DISC1: variants seen among roughly 807,000 people sequenced by gnomAD.
The protein encoded by DISC1 is DISC1 scaffold protein.
A neutral mutation model predicts 84.5 loss-of-function variants in DISC1; 57 were observed. The observed-to-expected ratio is 0.67, with a 90% CI of 0.55 to 0.84. The LOEUF (loss-of-function observed/expected upper bound fraction) is 0.84. Among genes scored for constraint, DISC1 ranks in the 40% least tolerant of loss-of-function variants. DISC1 has a pLI of 0.00. For missense variants in DISC1, 1,000 were observed against 1,057.8 expected (o/e 0.95, Z 0.76); for synonymous variants, 411 against 415.2 (o/e 0.99, Z 0.12).
At chr1:231,742,467 A>T (rs1270062903) in intron 3 of DISC1, among the ~76,000 whole-genome samples, 5 of 152,146 alleles carry the variant, frequency 3.3e-5, no homozygotes, top group African/African-American at 9.7e-5. Context: ...GCCCTTTTCT[A>T]ATCATAAGAT....
chr1:231,651,680 C>T (rs1468392517), intron 1 of DISC1, among the ~76,000 whole-genome samples: 1 of 152,268 alleles, frequency 6.6e-6, no homozygotes, highest in African/African-American at 2.4e-5. Context: ...TTCAGCTATG[C>T]CCTGCCCCTA....
intron 1 of DISC1, among the ~76,000 whole-genome samples, chr1:231,634,403 T>C (rs1180468161): frequency 6.6e-6 from 1 of 152,046 alleles, no homozygotes; most frequent in African/African-American, 2.4e-5. Context: ...AAACTTAGAG[T>C]TGCAAGAGCT....
intron 9 of DISC1, among the ~76,000 whole-genome samples, chr1:231,915,807 A>G (rs1446442372): frequency 6.6e-6 from 1 of 151,882 alleles, no homozygotes. Flanking sequence ...TAAAAACAAA[A>G]CCCCACTATT....
chr1:231,839,922 A>G (rs957755648), intron 9 of DISC1, among the ~76,000 whole-genome samples: 2 of 152,184 alleles, frequency 1.3e-5, no homozygotes, highest in African/African-American at 4.8e-5. Flanking sequence ...CAAGCCATGC[A>G]TAAGGGACTC....
chr1:231,920,978 C>T (rs1044013138), intron 9 of DISC1, among the ~76,000 whole-genome samples: 4 of 147,948 alleles, frequency 2.7e-5, no homozygotes, highest in Non-Finnish European at 4.4e-5. Flanking sequence ...GTGATCTCGG[C>T]TCACTGCAGC....
In DISC1 at chr1:231,763,065, C is replaced by CAA. The variant is rs1422328445; in HGVS notation, c.1269-4073_1269-4072dup. Among the ~76,000 whole-genome samples, 3 of 152,222 alleles carry CAA rather than the reference C, an allele frequency of 2.0e-5. No individual in the cohort carries two copies. The East Asian group carries it at 5.8e-4, about 29-fold the overall frequency. On this transcript the variant is annotated intron_variant, in intron 4 of 12. Coordinates refer to ENST00000439617, the MANE Select transcript of DISC1 (RefSeq NM_018662.3). ...CCTGCTGATAGCCACCAAGAGGACT[C>CAA]AAACAATGGGTGTGTGTGGATGTGA...
intron 3 of DISC1, among the ~76,000 whole-genome samples, chr1:231,719,499 C>T (rs1158610459): frequency 1.3e-5 from 2 of 152,172 alleles, no homozygotes; most frequent in Non-Finnish European, 2.9e-5. Flanking sequence ...TCAATTCTGC[C>T]ATTTGCTAGC....
At chr1:231,861,838 A>G (rs753650596) in intron 9 of DISC1, among the ~76,000 whole-genome samples, 3 of 152,108 alleles carry the variant, frequency 2.0e-5, no homozygotes, top group Admixed American at 6.6e-5. Context: ...TTACTTTCCC[A>G]TTAATGTTTG....
chr1:231,647,085 A>G lies in DISC1; in HGVS notation c.67+20151A>G, dbSNP rs147012017. The stretch of plus-strand genomic sequence containing the variant: ...TAGTTTAATTAGATCCCATTTGTCT[A>G]TTTTGGCTTGTGTTGCCATTGCTTT... On this transcript the variant is annotated intron_variant, in intron 1 of 12. Coordinates refer to ENST00000439617, the MANE Select transcript of DISC1 (RefSeq NM_018662.3). 0.018 allele frequency among the ~76,000 whole-genome samples: 2,679 copies of G among 152,252 alleles called. 155 individuals carry two copies. The East Asian group carries it at 0.22, about 13-fold the overall frequency.
chr1:231,977,983 T>C lies in DISC1; in HGVS notation c.2042+19095T>C, dbSNP rs1663050489. On this transcript the variant is annotated intron_variant, in intron 10 of 12. Transcript: ENST00000439617. ...TTAATCTGTCAGTTCCCTTTCCTTT[T>C]CCTTTACTTCCTTCTTTGTAATGTT... Among the ~76,000 whole-genome samples the C allele has an allele frequency of 4.6e-5, 7 of 152,348 alleles. No individual in the cohort carries two copies. The South Asian group carries it at 1.5e-3, about 32-fold the overall frequency.
At chr1:231,854,422 A>C (rs2084113980) in intron 9 of DISC1, among the ~76,000 whole-genome samples, 1 of 152,254 alleles carries the variant, frequency 6.6e-6, no homozygotes, top group Non-Finnish European at 1.5e-5. Flanking sequence ...AACTCCTGGC[A>C]AATATACCTA....
At chr1:231,651,828 C>T (rs552394823) in intron 1 of DISC1, among the ~76,000 whole-genome samples, 1 of 152,378 alleles carries the variant, frequency 6.6e-6, no homozygotes, top group East Asian at 1.9e-4. Flanking sequence ...GCTGTTGCCT[C>T]GCAGGTCGAT....
chr1:231,891,443 T>C (rs552868243), intron 9 of DISC1, among the ~76,000 whole-genome samples: 2 of 152,076 alleles, frequency 1.3e-5, no homozygotes, highest in Admixed American at 6.5e-5. Context: ...TCATGCCACG[T>C]GAGGAAGCAC....
intron 6 of DISC1, among the ~76,000 whole-genome samples, chr1:231,788,611 C>A (rs2078070414): frequency 6.6e-6 from 1 of 152,054 alleles, no homozygotes; most frequent in Admixed American, 6.6e-5. Flanking sequence ...GTAATATAGC[C>A]CATGAAAGGA....
intron 10 of DISC1, among the ~76,000 whole-genome samples, chr1:231,989,703 A>C (rs920560184): frequency 1.3e-5 from 2 of 152,216 alleles, no homozygotes; most frequent in East Asian, 3.9e-4. Flanking sequence ...AGACAGGCAT[A>C]TGAGCAGAAG....
chr1:231,800,136 C>G lies in DISC1; in HGVS notation c.1718C>G (p.Thr573Ser). 1 of 1,611,374 alleles carries G rather than the reference C, an allele frequency of 6.2e-7. No homozygotes were observed. Among genetic ancestry groups the G allele is most frequent in the South Asian group, 1.1e-5 (1 of 91,018 alleles). The change falls in exon 8 of 13, where the codon ACC becomes AGC. Residue 573 changes from threonine (T) to serine (S), a missense_variant. By Grantham distance (58) the Thr-to-Ser change is moderately conservative. Around this residue, in one of 3 missense-constraint regions of DISC1, gnomAD observed 397 missense variants for 377.5 expected, o/e 1.05. Coordinates refer to ENST00000439617, the MANE Select transcript of DISC1 (RefSeq NM_018662.3). ...TGTATGAGTGAGAAATTCTGCAGCA[C>G]CCTGAGGAAGAAAGTTAACGATATT... ...KVCMSEKFCSTLRKKVNDIET... is the reference protein window; with the variant it reads ...KVCMSEKFCSSLRKKVNDIET...
Position 231,650,732 on chromosome 1 carries a change from C to G in DISC1, c.67+23798C>G, listed in dbSNP as rs112112063. Reference sequence around the variant, plus strand: ...CGTAGATTTGGTCTTTTCACATAGTCTCATATTTCTTGGAGGCTTTATTTG... The same window carrying G: ...CGTAGATTTGGTCTTTTCACATAGTGTCATATTTCTTGGAGGCTTTATTTG... On this transcript the variant is annotated intron_variant, in intron 1 of 12. Coordinates refer to ENST00000439617, the MANE Select transcript of DISC1 (RefSeq NM_018662.3). Among the ~76,000 whole-genome samples the G allele has an allele frequency of 2.3e-3, 357 of 152,316 alleles. 5 individuals carry two copies. Among genetic ancestry groups the G allele is most frequent in the African/African-American group, 8.2e-3 (340 of 41,556 alleles).
chr1:231,841,239 T>A (rs993888128), intron 9 of DISC1, among the ~76,000 whole-genome samples: 5 of 152,206 alleles, frequency 3.3e-5, no homozygotes, highest in Admixed American at 3.3e-4. Flanking sequence ...AGATAAGGGA[T>A]ACTCAACCTG....
intron 1 of DISC1, among the ~76,000 whole-genome samples, chr1:231,646,777 T>C (rs992710663): frequency 2.0e-5 from 3 of 152,218 alleles, no homozygotes; most frequent in Non-Finnish European, 2.9e-5. Context: ...TGGTATCTCA[T>C]TGTGGTTTTG....
Sources: gnomAD v4.1 joint callset for allele counts (sites outside exome capture counted in the v4.1 genomes callset) on GRCh38, gnomAD v4.1.1 for gene constraint, gnomAD v4.1.1 regional missense constraint, MANE v1.5 for transcripts, NCBI Gene and HGNC (gene_info 2026-07-23, HGNC 2026-07-21) for gene names.